CDKAL1: variants seen among roughly 807,000 people sequenced by gnomAD.
The protein encoded by CDKAL1 is threonylcarbamoyladenosine tRNA methylthiotransferase.
CDKAL1 carries 32 observed loss-of-function variants against 68.2 expected under a neutral mutation model. That is an observed-to-expected ratio of 0.47 (90% CI 0.35 to 0.63). CDKAL1 has a LOEUF of 0.63. Among genes scored for constraint, CDKAL1 ranks in the 30% least tolerant of loss-of-function variants. The probability of loss-of-function intolerance (pLI) is 0.00; values close to 1 mark genes in which losing one functional copy is unlikely to be tolerated. For missense variants in CDKAL1, 606 were observed against 696.7 expected (o/e 0.87, Z 1.47); for synonymous variants, 234 against 244.3 (o/e 0.96, Z 0.39).
At chr6:21,118,203 A>G (rs1774514452) in intron 13 of CDKAL1, among the ~76,000 whole-genome samples, 1 of 152,200 alleles carries the variant, frequency 6.6e-6, no homozygotes, top group South Asian at 2.1e-4. Context: ...TTATATTGAG[A>G]CATACTGAGA....
intron 9 of CDKAL1, among the ~76,000 whole-genome samples, chr6:20,953,380 C>A (rs2015426): frequency 0.095 from 14,384 of 152,192 alleles, 718 homozygotes; most frequent in South Asian, 0.13. Context: ...TAAGGCATAA[C>A]ATGGAACCAT....
At chr6:20,961,684 G>A (rs367694618) in intron 10 of CDKAL1, among the ~76,000 whole-genome samples, 36 of 151,554 alleles carry the variant, frequency 2.4e-4, no homozygotes, top group African/African-American at 7.7e-4. Context: ...GGAGAATGGC[G>A]TGAACCTGGG....
At chr6:21,015,303 A>C (rs369825246) in intron 11 of CDKAL1, among the ~76,000 whole-genome samples, 21 of 152,210 alleles carry the variant, frequency 1.4e-4, no homozygotes, top group African/African-American at 4.8e-4. Context: ...TTTTGTTAGA[A>C]GCCTTTAAAG....
chr6:20,981,073 G>C (rs1027867940), intron 10 of CDKAL1, among the ~76,000 whole-genome samples: 2 of 152,178 alleles, frequency 1.3e-5, no homozygotes, highest in African/African-American at 4.8e-5. Context: ...ATGAGGGCAA[G>C]AAATTCAGAG....
At chr6:20,894,593 T>G (rs1761580571) in intron 9 of CDKAL1, among the ~76,000 whole-genome samples, 1 of 152,180 alleles carries the variant, frequency 6.6e-6, no homozygotes, top group Non-Finnish European at 1.5e-5. Flanking sequence ...TTGGGAAGTT[T>G]GAAGAAGGTC....
chr6:21,199,737 G>T (rs945927895), intron 14 of CDKAL1, among the ~76,000 whole-genome samples: 1 of 152,184 alleles, frequency 6.6e-6, no homozygotes, highest in Admixed American at 6.5e-5. Flanking sequence ...ATCTCCCAGG[G>T]TTAGTTTGGT....
chr6:20,806,484 A>G (rs1776577331), intron 8 of CDKAL1, among the ~76,000 whole-genome samples: 1 of 152,172 alleles, frequency 6.6e-6, no homozygotes, highest in Admixed American at 6.5e-5. Flanking sequence ...CTTTTGGTAT[A>G]TATGCAATAA....
intron 4 of CDKAL1, among the ~76,000 whole-genome samples, chr6:20,614,750 T>C (rs970934533): frequency 6.6e-6 from 1 of 152,220 alleles, no homozygotes; most frequent in South Asian, 2.1e-4. Context: ...TTTAAAAATA[T>C]GGACTTTCAA....
At chr6:20,950,360 G>A (rs1764462185) in intron 9 of CDKAL1, among the ~76,000 whole-genome samples, 1 of 152,086 alleles carries the variant, frequency 6.6e-6, no homozygotes. Context: ...CCGACCTCAG[G>A]TGATCCGCCC....
intron 4 of CDKAL1, among the ~76,000 whole-genome samples, chr6:20,610,108 C>T (rs1766553114): frequency 6.6e-6 from 1 of 152,182 alleles, no homozygotes; most frequent in Admixed American, 6.5e-5. Flanking sequence ...AGGACATGAT[C>T]TCATTCTTTT....
At chr6:20,585,294 C>T (rs923993857) in intron 4 of CDKAL1, among the ~76,000 whole-genome samples, 2 of 152,224 alleles carry the variant, frequency 1.3e-5, no homozygotes, top group African/African-American at 2.4e-5. Context: ...CCTCGTGATC[C>T]GCCCGCCTTG....
chr6:20,757,890 T>G (rs1288312876), intron 6 of CDKAL1, among the ~76,000 whole-genome samples: 1 of 152,214 alleles, frequency 6.6e-6, no homozygotes, highest in Non-Finnish European at 1.5e-5. Flanking sequence ...TTCATTTTCC[T>G]TTTAAACTCT....
At chr6:20,947,783 G>A (rs946869253) in intron 9 of CDKAL1, among the ~76,000 whole-genome samples, 9 of 152,062 alleles carry the variant, frequency 5.9e-5, no homozygotes, top group African/African-American at 1.7e-4. Flanking sequence ...CTCATGCAAT[G>A]TGTTGAATAC....
At chr6:20,548,049 TA>T (rs1322746667) in intron 3 of CDKAL1, among the ~76,000 whole-genome samples, 2 of 152,254 alleles carry the variant, frequency 1.3e-5, no homozygotes, top group African/African-American at 2.4e-5. Context: ...AGAAAAAGGA[TA>T]TTTTTTTATG....
intron 10 of CDKAL1, among the ~76,000 whole-genome samples, chr6:20,982,525 AAG>A (rs1419272522): frequency 1.3e-5 from 2 of 152,240 alleles, no homozygotes; most frequent in African/African-American, 4.8e-5. Context: ...TGGAAACACA[AAG>A]AGAGCACTGC....
Position 20,808,375 on chromosome 6 carries a change from G to T in CDKAL1, c.638+27110G>T, listed in dbSNP as rs1581619866. ...GTACCTACATAATAACCTTGACATT[G>T]ACTTTTGGCCTAGGAAGTCTGGTGA... On this transcript the variant is annotated intron_variant, in intron 8 of 15. Transcript: ENST00000274695. Among the ~76,000 whole-genome samples, 3 of 152,112 alleles carry T rather than the reference G, an allele frequency of 2.0e-5. No individual in the cohort carries two copies. The South Asian group carries it at 6.2e-4, about 32-fold the overall frequency.
At chr6:20,757,370 A>G (rs1446923490) in intron 6 of CDKAL1, among the ~76,000 whole-genome samples, 2 of 152,194 alleles carry the variant, frequency 1.3e-5, no homozygotes, top group African/African-American at 4.8e-5. Flanking sequence ...CACATCATGC[A>G]TCCATACAGA....
At chr6:20,570,172 C>G (rs376866111) in intron 4 of CDKAL1, among the ~76,000 whole-genome samples, 5 of 152,140 alleles carry the variant, frequency 3.3e-5, no homozygotes, top group Admixed American at 3.3e-4. Flanking sequence ...GGCATGATCT[C>G]GGTTCACTGC....
At chr6:20,601,176 T>C (rs9465827) in intron 4 of CDKAL1, among the ~76,000 whole-genome samples, 1 of 152,136 alleles carries the variant, frequency 6.6e-6, no homozygotes, top group Non-Finnish European at 1.5e-5. Context: ...TACATGATTA[T>C]AAAAGTCTCA....
Sources: gnomAD v4.1 joint callset for allele counts (sites outside exome capture counted in the v4.1 genomes callset) on GRCh38, gnomAD v4.1.1 for gene constraint, MANE v1.5 for transcripts, NCBI Gene and HGNC (gene_info 2026-07-23, HGNC 2026-07-21) for gene names.